The following SH3BGR variants were observed in gnomAD, a reference collection of about 807,000 sequenced individuals.
SH3BGR encodes SH3 domain binding glutamate rich protein.
Under a neutral mutation model 24.5 loss-of-function variants are expected in SH3BGR, and 29 were observed. The ratio of observed to expected loss-of-function variants is 1.18; its 90% CI spans 0.88 to 1.61. SH3BGR has a LOEUF of 1.61. Ranked by LOEUF, SH3BGR falls within the 40% of genes most tolerant of loss-of-function variation. The probability of loss-of-function intolerance (pLI) is 0.00; values close to 1 mark genes in which losing one functional copy is unlikely to be tolerated. For missense variants in SH3BGR, 162 were observed against 205.8 expected, an observed-to-expected ratio of 0.79 and a Z score of 1.30; for synonymous variants, 55 against 65.7, an observed-to-expected ratio of 0.84 and a Z score of 0.79.
intron 3 of SH3BGR, among the ~76,000 whole-genome samples, chr21:39,477,589 A>G (rs2078048259): frequency 6.6e-6 from 1 of 152,234 alleles, no homozygotes; most frequent in Non-Finnish European, 1.5e-5. Context: ...TCAGTGAGAC[A>G]AAAATGCACA....
At chr21:39,468,336 C>G (rs1486199547) in intron 2 of SH3BGR, among the ~76,000 whole-genome samples, 1 of 152,154 alleles carries the variant, frequency 6.6e-6, no homozygotes, top group Non-Finnish European at 1.5e-5. Flanking sequence ...AGTGAGCAAC[C>G]ATTGTATGCA....
intron 1 of SH3BGR, among the ~76,000 whole-genome samples, chr21:39,453,157 A>C (rs2077602494): frequency 6.6e-6 from 1 of 151,982 alleles, no homozygotes; most frequent in African/African-American, 2.4e-5. Flanking sequence ...GAGTGCCACC[A>C]CTCCCAGCCC....
At chr21:39,477,344 C>G (rs1284003688) in intron 3 of SH3BGR, among the ~76,000 whole-genome samples, 1 of 152,020 alleles carries the variant, frequency 6.6e-6, no homozygotes, top group Non-Finnish European at 1.5e-5. Context: ...CTATGTTGCC[C>G]AGGCTAGTTT....
chr21:39,450,080 C>A (rs1392946163), upstream of SH3BGR, among the ~76,000 whole-genome samples: 1 of 92,020 alleles, frequency 1.1e-5, no homozygotes, highest in Non-Finnish European at 2.4e-5. Flanking sequence ...GAAAATATGC[C>A]CCCACTTTCT....
intron 1 of SH3BGR, among the ~76,000 whole-genome samples, chr21:39,456,835 G>GA (rs1247932951): frequency 6.6e-6 from 1 of 152,104 alleles, no homozygotes; most frequent in Non-Finnish European, 1.5e-5. Context: ...TTGTTGGCCT[G>GA]AGTCTTACAG....
At chr21:39,492,466 G>GTGTGTATATATATATA (rs1404293146) in intron 3 of SH3BGR, among the ~76,000 whole-genome samples, 3 of 139,720 alleles carry the variant, frequency 2.1e-5, no homozygotes, top group African/African-American at 8.6e-5. Context: ...GTGTGTGTGT[G>GTGTGTATATATATATA]TATATATATA....
intron 3 of SH3BGR, among the ~76,000 whole-genome samples, chr21:39,480,937 A>G (rs932285244): frequency 1.2e-4 from 19 of 152,174 alleles, no homozygotes; most frequent in African/African-American, 3.6e-4. Flanking sequence ...TATTTGCTTT[A>G]GTTAAGAAAC....
chr21:39,509,146 C>A, intron 5 of SH3BGR, 119 bp downstream of exon 5: 1 of 705,620 alleles, frequency 1.4e-6, no homozygotes, highest in Non-Finnish European at 2.4e-6. Context: ...GCAACCCACA[C>A]ACCCAGAAAA....
chr21:39,489,944 T>C (rs902574716), intron 3 of SH3BGR, among the ~76,000 whole-genome samples: 1 of 152,188 alleles, frequency 6.6e-6, no homozygotes, highest in African/African-American at 2.4e-5. Flanking sequence ...TGGATGGAAC[T>C]ATGTGAGAAA....
intron 4 of SH3BGR, among the ~76,000 whole-genome samples, chr21:39,506,346 C>T (rs1345403782): frequency 3.3e-5 from 5 of 152,162 alleles, no homozygotes; most frequent in Admixed American, 2.0e-4. Flanking sequence ...GCATGTGACT[C>T]AGAATGGCTG....
At position 39,454,396 on chromosome 21, in the gene SH3BGR, T is replaced by G. The variant is rs368383258; in HGVS notation, c.45+2255T>G. Among the ~76,000 whole-genome samples the G allele has an allele frequency of 9.2e-5, 14 of 152,386 alleles. No homozygotes were observed. In the East Asian group the frequency reaches 1.5e-3, roughly 17 times the overall value. ...AAATTGTAGTCTCCTTATGAGGAAT[T>G]AAATACATGCAGCTGTGTATTACAT... On this transcript the variant is annotated intron_variant, in intron 1 of 6. Coordinates refer to ENST00000333634, the MANE Select transcript of SH3BGR (RefSeq NM_007341.3).
chr21:39,484,185 A>G (rs1043823418), intron 3 of SH3BGR, among the ~76,000 whole-genome samples: 1 of 152,240 alleles, frequency 6.6e-6, no homozygotes, highest in African/African-American at 2.4e-5. Context: ...CATTTCACAA[A>G]GCCTCTGACT....
intron 4 of SH3BGR, among the ~76,000 whole-genome samples, chr21:39,505,145 T>A (rs1191132694): frequency 6.6e-6 from 1 of 152,124 alleles, no homozygotes; most frequent in Admixed American, 6.6e-5. Context: ...CCCACCTCAT[T>A]CTATGGGGGA....
At chr21:39,480,636 ATGAATAC>A (rs758521012) in intron 3 of SH3BGR, among the ~76,000 whole-genome samples, 1 of 152,230 alleles carries the variant, frequency 6.6e-6, no homozygotes, top group Non-Finnish European at 1.5e-5. Context: ...TTTGGCTATC[ATGAATAC>A]TGCTGCGATG....
At chr21:39,471,833 T>C (rs970843446) in intron 2 of SH3BGR, among the ~76,000 whole-genome samples, 9 of 152,216 alleles carry the variant, frequency 5.9e-5, no homozygotes, top group Non-Finnish European at 1.0e-4. Context: ...AATCCACATA[T>C]TGGGTTTTAC....
chr21:39,504,021 T>C (rs927802946), intron 4 of SH3BGR, among the ~76,000 whole-genome samples: 1 of 152,230 alleles, frequency 6.6e-6, no homozygotes, highest in African/African-American at 2.4e-5. Flanking sequence ...AGAAATGAAC[T>C]GCAGACTGGG....
chr21:39,470,249 C>G (rs1284362562), intron 2 of SH3BGR, among the ~76,000 whole-genome samples: 42 of 151,724 alleles, frequency 2.8e-4, no homozygotes, highest in Non-Finnish European at 2.9e-5. Context: ...AGTAACCTTA[C>G]TTTTGTCCCA....
Position 39,511,807 on chromosome 21 carries a change from C to A in SH3BGR, c.*32C>A, listed in dbSNP as rs200924466. On this transcript the variant is annotated splice_region_variant and 3_prime_UTR_variant, in exon 6 of 7. Coordinates refer to ENST00000333634, the MANE Select transcript of SH3BGR (RefSeq NM_007341.3). The surrounding 1 kb of genome is among the most constrained non-coding windows in gnomAD (Gnocchi z 4.2). ...TCATGCTTCATTTCTTCCACTTCTC[C>A]AGGTAGCTACAGGATTCTGGGGTGG... 16 of 1,603,874 alleles carry A rather than the reference C, an allele frequency of 1.0e-5. No homozygotes were observed. Among genetic ancestry groups the A allele is most frequent in the Non-Finnish European group, 1.4e-5 (16 of 1,176,434 alleles).
chr21:39,494,251 CT>C (rs143867801), intron 3 of SH3BGR, among the ~76,000 whole-genome samples: 30 of 138,510 alleles, frequency 2.2e-4, no homozygotes, highest in East Asian at 1.4e-3. Context: ...TCTTCTTCTT[CT>C]TTTTTTTTTT....
Sources: allele counts gnomAD v4.1 joint callset (sites outside exome capture counted in the v4.1 genomes callset), GRCh38; gene constraint gnomAD v4.1.1; non-coding constraint Gnocchi (gnomAD v3.1); transcripts MANE v1.5; gene names NCBI Gene and HGNC (gene_info 2026-07-23, HGNC 2026-07-21).